SPRY4: variants seen among roughly 807,000 people sequenced by gnomAD.
SPRY4 encodes sprouty RTK signaling antagonist 4.
A neutral mutation model predicts 17.0 loss-of-function variants in SPRY4; 7 were observed. That is an observed-to-expected ratio of 0.41 (90% CI 0.23 to 0.77). SPRY4 has a LOEUF of 0.77. Among genes scored for constraint, SPRY4 ranks in the 30% least tolerant of loss-of-function variants. The pLI is 0.32. For missense variants in SPRY4, 435 were observed against 419.9 expected, an observed-to-expected ratio of 1.04 and a Z score of -0.31; for synonymous variants, 183 against 174.1, an observed-to-expected ratio of 1.05 and a Z score of -0.40.
In SPRY4 at chr5:142,319,998, G is replaced by A. The variant is rs558551415; in HGVS notation, c.-47-4843C>T. On this transcript the variant is annotated intron_variant, in intron 1 of 1. Transcript: ENST00000434127. Reference sequence around the variant, plus strand: ...TGAATGAATGGGTAGTTTAAGCACTGCCCCATTCAGTCTCAGCGGGTTCTT... The same window carrying A: ...TGAATGAATGGGTAGTTTAAGCACTACCCCATTCAGTCTCAGCGGGTTCTT... Among the ~76,000 whole-genome samples the A allele has an allele frequency of 3.9e-5, 6 of 152,300 alleles. No individual in the cohort carries two copies. The East Asian group carries it at 1.2e-3, about 29-fold the overall frequency.
Position 142,312,161 on chromosome 5 carries a change from C to T in SPRY4, c.*2048G>A, listed in dbSNP as rs905020804. 2.0e-5 allele frequency: 3 copies of T among 152,580 alleles called. No homozygotes were observed. Among genetic ancestry groups the T allele is most frequent in the African/African-American group, 7.2e-5 (3 of 41,428 alleles). 9.5% of individuals were successfully genotyped at this position (152,580 alleles called of 1,614,324 possible). A position where few individuals can be genotyped will look rare whatever the true frequency, so the allele number is the denominator to read the frequency against. On this transcript the variant is annotated 3_prime_UTR_variant, in exon 2 of 2. Transcript: ENST00000434127. ...CCCCCTCATCTGAGGAAAACCATCT[C>T]CAGTCCCTTCAGTACACTTCTGATA...
intron 1 of SPRY4, among the ~76,000 whole-genome samples, chr5:142,319,013 A>T (rs1197980625): frequency 1.3e-5 from 2 of 152,180 alleles, no homozygotes; most frequent in Non-Finnish European, 2.9e-5. Context: ...GAGGAAATGG[A>T]AGCACAAAGG....
rs1053469998 is a variant in SPRY4 at position 142,324,985 on chromosome 5, C to T, written c.-189G>A. 2 of 152,718 alleles carry T rather than the reference C, an allele frequency of 1.3e-5. No homozygotes were observed. The highest frequency in any genetic ancestry group is 2.4e-5 in the African/African-American group (1 of 41,480). The allele number at this position is 152,718 out of a possible 1,614,324, so 9.5% of individuals were successfully genotyped here. A position where few individuals can be genotyped will look rare whatever the true frequency, so the allele number is the denominator to read the frequency against. On this transcript the variant is annotated 5_prime_UTR_variant, in exon 1 of 2. Coordinates refer to ENST00000434127, the MANE Select transcript of SPRY4 (RefSeq NM_001127496.3). Reference sequence around the variant, plus strand: ...TGCGCTCCACAGCGCCAGCTCCGCGCTGTCAGCTCAGCTCGCTACCTCCGC... The same window carrying T: ...TGCGCTCCACAGCGCCAGCTCCGCGTTGTCAGCTCAGCTCGCTACCTCCGC...
chr5:142,319,538 T>A (rs1245050274), intron 1 of SPRY4, among the ~76,000 whole-genome samples: 1 of 152,112 alleles, frequency 6.6e-6, no homozygotes, highest in Non-Finnish European at 1.5e-5. Context: ...ACCTATCAAG[T>A]TGAACTTAAG....
chr5:142,312,255 A>C lies in SPRY4; in HGVS notation c.*1954T>G, dbSNP rs11551498. The C allele has an allele frequency of 6.6e-6, 1 of 152,626 alleles. No individual in the cohort carries two copies. Among genetic ancestry groups the C allele is most frequent in the Non-Finnish European group, 1.5e-5 (1 of 68,050 alleles). The allele number at this position is 152,626 out of a possible 1,614,324, so 9.5% of individuals were successfully genotyped here. A position where few individuals can be genotyped will look rare whatever the true frequency, so the allele number is the denominator to read the frequency against. ...TACCACTCCTTCTGAAATGTTCAAG[A>C]ACATCCATACATCCGTCACAACTGT... On this transcript the variant is annotated 3_prime_UTR_variant, in exon 2 of 2. Coordinates refer to ENST00000434127, the MANE Select transcript of SPRY4 (RefSeq NM_001127496.3).
At chr5:142,315,418 T>TA (rs1309723865) in intron 1 of SPRY4, 2 of 424,350 alleles carry the variant, frequency 4.7e-6, no homozygotes, top group Non-Finnish European at 8.4e-6. Context: ...GACTTCATGA[T>TA]AAGCCTAAAA....
Position 142,317,457 on chromosome 5 carries a change from G to GA in SPRY4, c.-47-2303dup, listed in dbSNP as rs1268496959. On this transcript the variant is annotated intron_variant, in intron 1 of 1. Coordinates refer to ENST00000434127, the MANE Select transcript of SPRY4 (RefSeq NM_001127496.3). Reference sequence around the variant, plus strand: ...ATGATAACATGAGTCCCTTGTTCCAGAAACCGATGTCAGGAATATTCAGGG... The same window carrying GA: ...ATGATAACATGAGTCCCTTGTTCCAGAAAACCGATGTCAGGAATATTCAGGG... 7.1e-6 allele frequency: 7 copies of GA among 985,272 alleles called. No homozygotes were observed. In the African/African-American group the frequency reaches 1.2e-4, roughly 17 times the overall value. The allele number at this position is 985,272 out of a possible 1,614,324, so 61.0% of individuals were successfully genotyped here.
At chr5:142,315,200 A>C in intron 1 of SPRY4, 45 bp from the exon 2 acceptor site, 1 of 1,298,410 alleles carries the variant, frequency 7.7e-7, no homozygotes, top group Non-Finnish European at 1.1e-6. Flanking sequence ...GATTCCAGGC[A>C]TCAGTATGTG....
chr5:142,314,584 C>T lies in SPRY4; in HGVS notation c.525G>A (p.Thr175=), dbSNP rs200679040. 1.9e-5 allele frequency: 30 copies of T among 1,614,226 alleles called. No homozygotes were observed. In the African/African-American group the frequency reaches 2.8e-4, roughly 15 times the overall value. ...GGTTGCAGACCCAGCAGGAAGGCAA[C>T]GTCCGGGGGGATGCACACTCCTTGC... is the stretch of plus-strand genomic sequence containing the variant. ...CKCKECASPR[T]LPSCWVCNQE... The change falls in exon 2 of 2, where the codon ACG becomes ACA. Residue 175 remains threonine, a synonymous_variant. Coordinates refer to ENST00000434127, the MANE Select transcript of SPRY4 (RefSeq NM_001127496.3). This position sits in a 1 kb window ranked among gnomAD's most constrained non-coding sequence, Gnocchi z 4.8.
Position 142,314,049 on chromosome 5 carries a change from T to G in SPRY4, c.*160A>C, listed in dbSNP as rs778068040. 262 of 709,420 alleles carry G rather than the reference T, an allele frequency of 3.7e-4. No homozygotes were observed. The highest frequency in any genetic ancestry group is 5.5e-4 in the Non-Finnish European group (242 of 437,944). The allele number at this position is 709,420 out of a possible 1,614,324, so 43.9% of individuals were successfully genotyped here. ...ATCACCTTGGGGAATACAGGGTACG[T>G]GGTGGTGGTCTCTGTATTTTCCGAA... On this transcript the variant is annotated 3_prime_UTR_variant, in exon 2 of 2. Transcript: ENST00000434127. The surrounding 1 kb of genome is among the most constrained non-coding windows in gnomAD (Gnocchi z 4.8).
chr5:142,321,859 C>A (rs1442242381), intron 1 of SPRY4, among the ~76,000 whole-genome samples: 2 of 152,190 alleles, frequency 1.3e-5, no homozygotes, highest in Non-Finnish European at 2.9e-5. Context: ...GGGCACAAAT[C>A]TTGGAGCTAG....
intron 1 of SPRY4, chr5:142,316,940 A>G: frequency 1.0e-6 from 1 of 961,560 alleles, no homozygotes; most frequent in Non-Finnish European, 1.2e-6. Flanking sequence ...ATTTCTTTAC[A>G]CGCCTTGTTT....
intron 1 of SPRY4, among the ~76,000 whole-genome samples, chr5:142,316,310 G>C (rs1217597137): frequency 6.6e-6 from 1 of 152,050 alleles, no homozygotes; most frequent in Non-Finnish European, 1.5e-5. Flanking sequence ...GAAACTGCTT[G>C]GTTCAAATTT....
At chr5:142,319,802 G>T (rs1256801401) in intron 1 of SPRY4, 1 of 1,607,722 alleles carries the variant, frequency 6.2e-7, no homozygotes, top group African/African-American at 1.3e-5. Context: ...TGGCTGAAAA[G>T]AATCAAGAGG....
intron 1 of SPRY4, chr5:142,317,969 C>A: frequency 1.0e-6 from 1 of 985,332 alleles, no homozygotes; most frequent in Non-Finnish European, 1.2e-6. Flanking sequence ...AATGTATCTT[C>A]CCTATTATAA....
Position 142,315,108 on chromosome 5 carries a change from T to TG in SPRY4, c.-1dup. ...GCGCTCTGTGGGATCGGGGGCTCCA[T>TG]GGGGCTGGAGGTCCTGGACTGTACG... On this transcript the variant is annotated 5_prime_UTR_variant, in exon 2 of 2. Coordinates refer to ENST00000434127, the MANE Select transcript of SPRY4 (RefSeq NM_001127496.3). 1 of 1,592,670 alleles carries TG rather than the reference T, an allele frequency of 6.3e-7. No homozygotes were observed. Among genetic ancestry groups the TG allele is most frequent in the Non-Finnish European group, 8.5e-7 (1 of 1,175,226 alleles).
At chr5:142,320,946 C>T (rs565266559) in intron 1 of SPRY4, among the ~76,000 whole-genome samples, 4 of 152,358 alleles carry the variant, frequency 2.6e-5, no homozygotes, top group East Asian at 1.9e-4. Context: ...TTCCCTTCTC[C>T]GCCAGATCCA....
rs1758953252 is a variant in SPRY4 at position 142,312,367 on chromosome 5, A to C, written c.*1842T>G. On this transcript the variant is annotated 3_prime_UTR_variant, in exon 2 of 2. Coordinates refer to ENST00000434127, the MANE Select transcript of SPRY4 (RefSeq NM_001127496.3). Reference sequence around the variant, plus strand: ...TTTACAAGCTAGCAAATGTTACATAAATAAAGCCGAAAATAATATGACCCT... The same window carrying C: ...TTTACAAGCTAGCAAATGTTACATACATAAAGCCGAAAATAATATGACCCT... 1 of 152,642 alleles carries C rather than the reference A, an allele frequency of 6.6e-6. No homozygotes were observed. The highest frequency in any genetic ancestry group is 1.9e-4 in the East Asian group (1 of 5,202). 9.5% of individuals were successfully genotyped at this position (152,642 alleles called of 1,614,324 possible).
Position 142,315,160 on chromosome 5 carries a change from G to A in SPRY4, c.-47-5C>T, listed in dbSNP as rs1759107865. 6.4e-7 allele frequency: 1 copy of A among 1,551,928 alleles called. No individual in the cohort carries two copies. Among genetic ancestry groups the A allele is most frequent in the African/African-American group, 1.4e-5 (1 of 73,682 alleles). On this transcript the variant is annotated splice_region_variant and splice_polypyrimidine_tract_variant and intron_variant, in intron 1 of 1. Transcript: ENST00000434127. ...AGAAACAGGCTTCTAGGGGCCCTGGGGGTGGGGTGGGGAAAAGGAAGAGAG... is the reference window on the plus strand; with the variant it reads ...AGAAACAGGCTTCTAGGGGCCCTGGAGGTGGGGTGGGGAAAAGGAAGAGAG...
Sources: allele counts gnomAD v4.1 joint callset (sites outside exome capture counted in the v4.1 genomes callset), GRCh38; gene constraint gnomAD v4.1.1; non-coding constraint Gnocchi (gnomAD v3.1); transcripts MANE v1.5; gene names NCBI Gene and HGNC (gene_info 2026-07-23, HGNC 2026-07-21).